Variants in MECOM observed in about 807,000 individuals in gnomAD.
MECOM encodes the protein histone-lysine N-methyltransferase MECOM.
Under a neutral mutation model 116.3 loss-of-function variants are expected in MECOM, and 13 were observed. The ratio of observed to expected loss-of-function variants is 0.11; its 90% CI spans 0.07 to 0.18. MECOM has a LOEUF of 0.18. Ranked by LOEUF, MECOM falls within the 10% of genes least tolerant of loss-of-function variation. MECOM has a pLI of 1.00. For missense variants in MECOM, 1,299 were observed against 1,509.0 expected, an observed-to-expected ratio of 0.86 and a Z score of 2.31; for synonymous variants, 528 against 535.2, an observed-to-expected ratio of 0.99 and a Z score of 0.19.
chr3:169,099,323 A>C (rs1253509119), intron 12 of MECOM, among the ~76,000 whole-genome samples: 1 of 152,184 alleles, frequency 6.6e-6, no homozygotes, highest in East Asian at 1.9e-4. Context: ...ATAACAAAAC[A>C]TGAGTGTGGA....
At chr3:169,456,614 C>A (rs955232034) in intron 1 of MECOM, among the ~76,000 whole-genome samples, 1 of 152,222 alleles carries the variant, frequency 6.6e-6, no homozygotes, top group South Asian at 2.1e-4. Flanking sequence ...AAACCCACCA[C>A]GGACCTGCTG....
chr3:169,179,235 T>C (rs897013143), intron 2 of MECOM, among the ~76,000 whole-genome samples: 1 of 152,216 alleles, frequency 6.6e-6, no homozygotes, highest in Non-Finnish European at 1.5e-5. Flanking sequence ...AGACCACAAG[T>C]AGGCCTTTGC....
chr3:169,658,515 G>A (rs978909100), intron 1 of MECOM, among the ~76,000 whole-genome samples: 2 of 152,246 alleles, frequency 1.3e-5, no homozygotes, highest in African/African-American at 4.8e-5. Context: ...AGCTCCGAGG[G>A]AAGCAGCGCG....
chr3:169,102,529 A>C (rs1351483292), intron 10 of MECOM, among the ~76,000 whole-genome samples: 1 of 152,224 alleles, frequency 6.6e-6, no homozygotes, highest in African/African-American at 2.4e-5. Context: ...AATAAAGCCA[A>C]GTTAACTTTT....
At chr3:169,356,809 C>T (rs1442883723) in intron 2 of MECOM, among the ~76,000 whole-genome samples, 1 of 151,834 alleles carries the variant, frequency 6.6e-6, no homozygotes, top group African/African-American at 2.4e-5. Context: ...ATGTGAATAC[C>T]TCTGCTTCTT....
intron 2 of MECOM, among the ~76,000 whole-genome samples, chr3:169,371,575 T>C (rs1430433): frequency 0.56 from 85,022 of 151,516 alleles, 24,367 homozygotes; most frequent in East Asian, 0.7. Flanking sequence ...GTATCTTAAT[T>C]AGCTTGATTG....
intron 7 of MECOM, among the ~76,000 whole-genome samples, chr3:169,120,239 G>A (rs951703613): frequency 5.9e-5 from 9 of 152,168 alleles, no homozygotes; most frequent in Non-Finnish European, 1.3e-4. Context: ...TGCCCAGGTA[G>A]ACTAAGAACA....
intron 12 of MECOM, among the ~76,000 whole-genome samples, chr3:169,097,117 C>T (rs1165488418): frequency 3.3e-5 from 5 of 152,058 alleles, no homozygotes; most frequent in African/African-American, 9.7e-5. Flanking sequence ...TTACAGTAAA[C>T]GTACTCCCAC....
intron 2 of MECOM, among the ~76,000 whole-genome samples, chr3:169,355,580 C>A (rs1727134824): frequency 6.6e-6 from 1 of 151,974 alleles, no homozygotes; most frequent in South Asian, 2.1e-4. Context: ...AGTCAAATGT[C>A]ATCACTGATG....
chr3:169,535,017 T>C (rs1759178188), intron 1 of MECOM, among the ~76,000 whole-genome samples: 1 of 152,240 alleles, frequency 6.6e-6, no homozygotes, highest in African/African-American at 2.4e-5. Context: ...GAACAGGGAC[T>C]TGGTGCTGGT....
At chr3:169,252,833 A>G (rs1756413599) in intron 2 of MECOM, among the ~76,000 whole-genome samples, 1 of 152,200 alleles carries the variant, frequency 6.6e-6, no homozygotes, top group African/African-American at 2.4e-5. Flanking sequence ...AAAGCCAGAT[A>G]TGGTTTGGGT....
chr3:169,271,530 G>A (rs570268026), intron 2 of MECOM, among the ~76,000 whole-genome samples: 1 of 152,220 alleles, frequency 6.6e-6, no homozygotes, highest in African/African-American at 2.4e-5. Flanking sequence ...TTTTCCTCAT[G>A]TTCTCACTCA....
chr3:169,466,670 T>C (rs1322179690), intron 1 of MECOM, among the ~76,000 whole-genome samples: 2 of 152,162 alleles, frequency 1.3e-5, no homozygotes, highest in African/African-American at 4.8e-5. Flanking sequence ...AAAAGAAACA[T>C]GCCAGTTTGT....
intron 2 of MECOM, among the ~76,000 whole-genome samples, chr3:169,322,673 A>G (rs934949974): frequency 6.6e-6 from 1 of 152,156 alleles, no homozygotes; most frequent in Non-Finnish European, 1.5e-5. Context: ...AGTACCTACT[A>G]AAGGTAAATG....
At chr3:169,096,560 G>A (rs542769725) in intron 12 of MECOM, among the ~76,000 whole-genome samples, 50 of 152,170 alleles carry the variant, frequency 3.3e-4, no homozygotes, top group African/African-American at 1.2e-3. Context: ...GTGAGCCACC[G>A]CGTCCAGCCT....
At chr3:169,301,438 C>T (rs952836286) in intron 2 of MECOM, among the ~76,000 whole-genome samples, 8 of 152,144 alleles carry the variant, frequency 5.3e-5, no homozygotes, top group Non-Finnish European at 7.4e-5. Flanking sequence ...TAAGCACTAG[C>T]AGTGTTGATA....
intron 1 of MECOM, among the ~76,000 whole-genome samples, chr3:169,560,252 T>C (rs188181806): frequency 6.6e-6 from 1 of 152,276 alleles, no homozygotes; most frequent in East Asian, 1.9e-4. Context: ...AGCCAAAAAG[T>C]TGCAAATGCA....
At chr3:169,619,254 C>G (rs1770401137) in intron 1 of MECOM, among the ~76,000 whole-genome samples, 1 of 152,176 alleles carries the variant, frequency 6.6e-6, no homozygotes, top group African/African-American at 2.4e-5. Context: ...TATTTAGTGC[C>G]GCTGTGCTGA....
chr3:169,247,026 T>C (rs1755668884), intron 2 of MECOM, among the ~76,000 whole-genome samples: 1 of 152,170 alleles, frequency 6.6e-6, no homozygotes, highest in Non-Finnish European at 1.5e-5. Flanking sequence ...TTTTAAGGTA[T>C]AGACCATTTT....
Sources: allele counts gnomAD v4.1 joint callset (sites outside exome capture counted in the v4.1 genomes callset), GRCh38; gene constraint gnomAD v4.1.1; transcripts MANE v1.5; gene names NCBI Gene and HGNC (gene_info 2026-07-23, HGNC 2026-07-21).